The following ZDHHC14 variants were observed in gnomAD, a reference collection of about 807,000 sequenced individuals.
ZDHHC14 encodes zDHHC palmitoyltransferase 14, also known as palmitoyltransferase ZDHHC14.
A neutral mutation model predicts 47.7 loss-of-function variants in ZDHHC14; 16 were observed. The observed-to-expected ratio is 0.34, with a 90% CI of 0.23 to 0.51. ZDHHC14 has a LOEUF of 0.51. ZDHHC14 is among the 20% of genes least tolerant of loss of function. The pLI is 0.97. For missense variants in ZDHHC14, 515 were observed against 662.5 expected (o/e 0.78, Z 2.44); for synonymous variants, 293 against 278.9 (o/e 1.05, Z -0.50).
intron 1 of ZDHHC14, among the ~76,000 whole-genome samples, chr6:157,483,849 G>A (rs1270256440): frequency 6.6e-6 from 1 of 152,046 alleles, no homozygotes; most frequent in African/African-American, 2.4e-5. Flanking sequence ...TTCTATTTGT[G>A]ATCTCAAATC....
chr6:157,642,024 AGAT>A (rs1305663746), intron 5 of ZDHHC14, among the ~76,000 whole-genome samples: 1 of 64,684 alleles, frequency 1.5e-5, no homozygotes, highest in Non-Finnish European at 3.3e-5. Context: ...TATATTTTGA[AGAT>A]AGATAGATAG....
intron 1 of ZDHHC14, among the ~76,000 whole-genome samples, chr6:157,397,374 A>G (rs1187315638): frequency 1.3e-5 from 2 of 152,230 alleles, no homozygotes; most frequent in Admixed American, 1.3e-4. Flanking sequence ...TCCCTGGGCT[A>G]CAATCAGGGT....
intron 1 of ZDHHC14, among the ~76,000 whole-genome samples, chr6:157,421,293 A>T (rs1778096125): frequency 6.6e-6 from 1 of 151,700 alleles, no homozygotes; most frequent in Non-Finnish European, 1.5e-5. Context: ...AGGTCAGGAG[A>T]TCGAGACCAC....
At position 157,433,852 on chromosome 6, in the gene ZDHHC14, C is replaced by T. The variant is rs773707260; in HGVS notation, c.245+51586C>T. ...AAATGGTGACTGTTTTGATGTCTTC[C>T]AGTTGGCTGGCTCCCATCTTTCCAG... On this transcript the variant is annotated intron_variant, in intron 1 of 8. Transcript: ENST00000359775. Among the ~76,000 whole-genome samples the T allele has an allele frequency of 5.3e-5, 8 of 152,294 alleles. No individual in the cohort carries two copies. The South Asian group carries it at 1.7e-3, about 32-fold the overall frequency.
At chr6:157,418,383 C>T (rs1376520171) in intron 1 of ZDHHC14, among the ~76,000 whole-genome samples, 1 of 152,230 alleles carries the variant, frequency 6.6e-6, no homozygotes, top group Non-Finnish European at 1.5e-5. Flanking sequence ...TATACTCCTA[C>T]AGGCATGAAC....
At chr6:157,453,921 G>A (rs1778859183) in intron 1 of ZDHHC14, among the ~76,000 whole-genome samples, 1 of 151,992 alleles carries the variant, frequency 6.6e-6, no homozygotes, top group Non-Finnish European at 1.5e-5. Context: ...TGATTAATTG[G>A]CAGCTGTTGT....
At chr6:157,556,048 C>A (rs1026870030) in intron 2 of ZDHHC14, among the ~76,000 whole-genome samples, 7 of 152,064 alleles carry the variant, frequency 4.6e-5, no homozygotes, top group Non-Finnish European at 1.0e-4. Flanking sequence ...GGATGCGGGG[C>A]GGCAGAGACC....
intron 1 of ZDHHC14, among the ~76,000 whole-genome samples, chr6:157,420,673 C>T (rs1271996997): frequency 6.6e-6 from 1 of 152,212 alleles, no homozygotes; most frequent in Non-Finnish European, 1.5e-5. Flanking sequence ...CCTTCCTTCA[C>T]TCTATAGAAG....
In ZDHHC14 at chr6:157,460,405, G is replaced by GAAAAA. The variant is rs1164382844; in HGVS notation, c.245+78165_245+78169dup. Among the ~76,000 whole-genome samples the GAAAAA allele has an allele frequency of 2.8e-4, 12 of 43,386 alleles. 2 individuals carry two copies. Among genetic ancestry groups the GAAAAA allele is most frequent in the East Asian group, 2.2e-3 (2 of 930 alleles). The allele number at this position is 43,386 out of a possible 152,430, so 28.5% of individuals were successfully genotyped here. On this transcript the variant is annotated intron_variant, in intron 1 of 8. Coordinates refer to ENST00000359775, the MANE Select transcript of ZDHHC14 (RefSeq NM_024630.3). ...CAGAGCCAGACTCACTCTCTCTCTG[G>GAAAAA]AAAAAAAAAAAAAAAAAAAAAAAAA... is the stretch of plus-strand genomic sequence containing the variant.
At chr6:157,570,976 G>T (rs1045888353) in intron 2 of ZDHHC14, among the ~76,000 whole-genome samples, 1 of 152,176 alleles carries the variant, frequency 6.6e-6, no homozygotes, top group African/African-American at 2.4e-5. Flanking sequence ...AACTGAGATT[G>T]TCATGGTTTA....
At chr6:157,616,720 G>A (rs1263074572) in intron 3 of ZDHHC14, among the ~76,000 whole-genome samples, 5 of 152,174 alleles carry the variant, frequency 3.3e-5, no homozygotes, top group Admixed American at 6.5e-5. Context: ...TACTTCGGGG[G>A]GATCAGACGT....
At chr6:157,518,902 G>A (rs867220847) in intron 1 of ZDHHC14, among the ~76,000 whole-genome samples, 1 of 152,220 alleles carries the variant, frequency 6.6e-6, no homozygotes, top group Non-Finnish European at 1.5e-5. Context: ...TTCGTGTGGG[G>A]CACACAAACG....
chr6:157,649,956 C>T (rs542282671), intron 7 of ZDHHC14, among the ~76,000 whole-genome samples: 4 of 149,650 alleles, frequency 2.7e-5, no homozygotes, highest in East Asian at 2.0e-4. Context: ...TGGGGGTGCA[C>T]GGGAGAGGGG....
intron 1 of ZDHHC14, among the ~76,000 whole-genome samples, chr6:157,505,756 G>A (rs949005215): frequency 3.3e-5 from 5 of 152,162 alleles, no homozygotes; most frequent in Admixed American, 6.5e-5. Context: ...TTGTTTAAAC[G>A]AAGAATTAAA....
intron 1 of ZDHHC14, among the ~76,000 whole-genome samples, chr6:157,408,346 G>T (rs1777809812): frequency 6.6e-6 from 1 of 152,012 alleles, no homozygotes; most frequent in African/African-American, 2.4e-5. Context: ...GGATGTGCAG[G>T]CTTGTTACAT....
At chr6:157,473,364 G>A (rs1309030644) in intron 1 of ZDHHC14, among the ~76,000 whole-genome samples, 3 of 152,160 alleles carry the variant, frequency 2.0e-5, no homozygotes, top group South Asian at 2.1e-4. Flanking sequence ...TCTCTTCTTC[G>A]ATAAGTTTCA....
chr6:157,391,004 A>G (rs549745650), intron 1 of ZDHHC14, among the ~76,000 whole-genome samples: 9 of 152,276 alleles, frequency 5.9e-5, no homozygotes, highest in Admixed American at 5.2e-4. Context: ...TTTTCAGGCC[A>G]CTAGTGTGTG....
chr6:157,435,564 G>A (rs931463376), intron 1 of ZDHHC14, among the ~76,000 whole-genome samples: 1 of 151,860 alleles, frequency 6.6e-6, no homozygotes, highest in African/African-American at 2.4e-5. Context: ...TTTTAAGATA[G>A]GGTCTGGCTC....
rs1166892218 is a variant in ZDHHC14 at position 157,676,940 on chromosome 6, C to T, written c.*3818C>T. 6.6e-6 allele frequency: 1 copy of T among 152,188 alleles called. No homozygotes were observed. Among genetic ancestry groups the T allele is most frequent in the Non-Finnish European group, 1.5e-5 (1 of 68,028 alleles). The allele number at this position is 152,188 out of a possible 1,614,324, so 9.4% of individuals were successfully genotyped here. A position where few individuals can be genotyped will look rare whatever the true frequency, so the allele number is the denominator to read the frequency against. On this transcript the variant is annotated 3_prime_UTR_variant, in exon 9 of 9. Coordinates refer to ENST00000359775, the MANE Select transcript of ZDHHC14 (RefSeq NM_024630.3). ...AGGAATCTTCCCAGAAGGAGCTGCC[C>T]TTCATCCATCCACAAGAATACATTG...
Sources: gnomAD v4.1 joint callset for allele counts (sites outside exome capture counted in the v4.1 genomes callset) on GRCh38, gnomAD v4.1.1 for gene constraint, MANE v1.5 for transcripts, NCBI Gene and HGNC (gene_info 2026-07-23, HGNC 2026-07-21) for gene names.